The following EPHA3 variants were observed in gnomAD, a reference collection of about 807,000 sequenced individuals.
The protein encoded by EPHA3 is ephrin type-A receptor 3.
Under a neutral mutation model 107.1 loss-of-function variants are expected in EPHA3, and 42 were observed. That is an observed-to-expected ratio of 0.39 (90% CI 0.31 to 0.51). The LOEUF (loss-of-function observed/expected upper bound fraction) is 0.51, where lower values mean the gene tolerates loss of function less well. EPHA3 is among the 20% of genes least tolerant of loss of function. EPHA3 has a pLI of 0.78. For synonymous variants in EPHA3, 461 were observed against 424.8 expected (o/e 1.09, Z -1.05); for missense variants, 1,183 against 1,211.2 (o/e 0.98, Z 0.35).
chr3:89,472,646 A>G (rs1199146602), intron 16 of EPHA3, 27 bp downstream of exon 16: 1 of 1,597,362 alleles, frequency 6.3e-7, no homozygotes, highest in South Asian at 1.1e-5. Flanking sequence ...CATTAAGAAG[A>G]ATGAAGGATT....
intron 2 of EPHA3, among the ~76,000 whole-genome samples, chr3:89,170,720 T>C (rs906875619): frequency 1.1e-4 from 17 of 152,180 alleles, no homozygotes; most frequent in African/African-American, 3.9e-4. Flanking sequence ...TATATGTCAT[T>C]GCAGAAGAGA....
chr3:89,166,058 AC>A lies in EPHA3; in HGVS notation c.153+38789del, dbSNP rs772319287. Among the ~76,000 whole-genome samples the A allele has an allele frequency of 1.8e-3, 277 of 152,010 alleles. 1 individual carries two copies. The highest frequency in any genetic ancestry group is 3.2e-3 in the Non-Finnish European group (216 of 67,982). The stretch of plus-strand genomic sequence containing the variant: ...ATAGCAAATGAGTGGCAGGATTAAA[AC>A]CCCGGTGATCTAACTCCAGATTCCC... On this transcript the variant is annotated intron_variant, in intron 2 of 16. Transcript: ENST00000336596.
Position 89,357,361 on chromosome 3 carries a change from A to G in EPHA3, c.1306+15271A>G, listed in dbSNP as rs576598237. 1.4e-3 allele frequency among the ~76,000 whole-genome samples: 215 copies of G among 151,024 alleles called. 1 individual carries two copies. The highest frequency in any genetic ancestry group is 4.9e-3 in the African/African-American group (203 of 41,424). ...AGACTGTTAGTGGTTGACTTTTTCTACAAGTTTATTTTAATAGATTCACTG... is the reference window on the plus strand; with the variant it reads ...AGACTGTTAGTGGTTGACTTTTTCTGCAAGTTTATTTTAATAGATTCACTG... On this transcript the variant is annotated intron_variant, in intron 5 of 16. Transcript: ENST00000336596.
intron 11 of EPHA3, among the ~76,000 whole-genome samples, chr3:89,423,303 A>G (rs532897121): frequency 1.3e-5 from 2 of 151,502 alleles, no homozygotes; most frequent in South Asian, 4.2e-4. Context: ...ATCCACTTTC[A>G]CTAAAAGCTT....
chr3:89,405,049 T>G (rs1361751179), intron 7 of EPHA3, among the ~76,000 whole-genome samples: 1 of 152,092 alleles, frequency 6.6e-6, no homozygotes. Flanking sequence ...GATGAAACTA[T>G]AAGAGCTTTA....
intron 3 of EPHA3, among the ~76,000 whole-genome samples, chr3:89,224,850 AAAT>A (rs948376171): frequency 2.0e-5 from 3 of 151,628 alleles, no homozygotes; most frequent in Non-Finnish European, 1.5e-5. Context: ...CTCTGTCTCA[AAAT>A]AATAATAATA....
At chr3:89,190,745 T>A (rs1053803864) in intron 2 of EPHA3, among the ~76,000 whole-genome samples, 2 of 152,328 alleles carry the variant, frequency 1.3e-5, no homozygotes, top group African/African-American at 2.4e-5. Flanking sequence ...GATACCACAG[T>A]TGAGAAGTAT....
At chr3:89,349,435 C>T (rs1707751358) in intron 5 of EPHA3, among the ~76,000 whole-genome samples, 1 of 139,576 alleles carries the variant, frequency 7.2e-6, no homozygotes, top group Admixed American at 7.1e-5. Context: ...ACTAGGATTG[C>T]AACCCCTGCC....
intron 2 of EPHA3, among the ~76,000 whole-genome samples, chr3:89,181,342 C>A (rs1331228376): frequency 2.0e-5 from 3 of 151,782 alleles, no homozygotes; most frequent in African/African-American, 7.3e-5. Flanking sequence ...GAGTTTAATT[C>A]TTCTAACTTC....
At chr3:89,338,810 G>A (rs1198897108) in intron 3 of EPHA3, among the ~76,000 whole-genome samples, 1 of 152,218 alleles carries the variant, frequency 6.6e-6, no homozygotes, top group East Asian at 1.9e-4. Flanking sequence ...TTGTTATACA[G>A]GTATTCACTA....
At chr3:89,312,236 A>T (rs1001648113) in intron 3 of EPHA3, among the ~76,000 whole-genome samples, 1 of 152,034 alleles carries the variant, frequency 6.6e-6, no homozygotes, top group African/African-American at 2.4e-5. Flanking sequence ...GCACTTAAAG[A>T]TTATAATAAT....
At chr3:89,118,877 G>C (rs1707315037) in intron 1 of EPHA3, among the ~76,000 whole-genome samples, 1 of 151,906 alleles carries the variant, frequency 6.6e-6, no homozygotes, top group African/African-American at 2.4e-5. Flanking sequence ...TTATAACATA[G>C]ATATGAAAAT....
At chr3:89,361,755 C>T (rs1708095848) in intron 5 of EPHA3, among the ~76,000 whole-genome samples, 1 of 150,878 alleles carries the variant, frequency 6.6e-6, no homozygotes, top group African/African-American at 2.4e-5. Flanking sequence ...ATCCCCTTAG[C>T]CTGGAGAGGT....
intron 3 of EPHA3, among the ~76,000 whole-genome samples, chr3:89,305,594 A>G (rs1176854369): frequency 6.6e-6 from 1 of 152,112 alleles, no homozygotes; most frequent in African/African-American, 2.4e-5. Context: ...TTTACCTCTA[A>G]AATTCAGTCA....
chr3:89,427,310 C>A (rs1252887333), intron 11 of EPHA3, among the ~76,000 whole-genome samples: 6 of 151,720 alleles, frequency 4.0e-5, no homozygotes, highest in Non-Finnish European at 7.4e-5. Flanking sequence ...GATGCTAACT[C>A]ATAATTTACA....
chr3:89,263,993 C>T (rs1052400165), intron 3 of EPHA3, among the ~76,000 whole-genome samples: 1 of 152,098 alleles, frequency 6.6e-6, no homozygotes, highest in African/African-American at 2.4e-5. Context: ...TGCCCTCTGG[C>T]CTCAAAAATC....
intron 3 of EPHA3, among the ~76,000 whole-genome samples, chr3:89,313,193 C>A (rs1305583609): frequency 6.6e-6 from 1 of 151,894 alleles, no homozygotes; most frequent in Non-Finnish European, 1.5e-5. Context: ...CTTCTTTAAT[C>A]TTTCCACTTT....
intron 7 of EPHA3, among the ~76,000 whole-genome samples, chr3:89,404,056 A>G (rs1406741775): frequency 2.0e-5 from 3 of 152,180 alleles, no homozygotes; most frequent in African/African-American, 7.2e-5. Context: ...AGACAACCCC[A>G]GGGATAATTA....
At chr3:89,128,537 A>G (rs1488405038) in intron 2 of EPHA3, among the ~76,000 whole-genome samples, 1 of 152,040 alleles carries the variant, frequency 6.6e-6, no homozygotes, top group Non-Finnish European at 1.5e-5. Flanking sequence ...TGATTTTAGA[A>G]ATTTAAATTT....
Sources: gnomAD v4.1 joint callset for allele counts (sites outside exome capture counted in the v4.1 genomes callset) on GRCh38, gnomAD v4.1.1 for gene constraint, MANE v1.5 for transcripts, NCBI Gene and HGNC (gene_info 2026-07-23, HGNC 2026-07-21) for gene names.